The following DENND4C variants were observed in gnomAD, a reference collection of about 807,000 sequenced individuals.
The protein encoded by DENND4C is DENN domain-containing protein 4C.
A neutral mutation model predicts 203.0 loss-of-function variants in DENND4C; 108 were observed. The observed-to-expected ratio is 0.53, with a 90% confidence interval of 0.46 to 0.62. The LOEUF is 0.62. Among genes scored for constraint, DENND4C ranks in the 20% least tolerant of loss-of-function variants. DENND4C has a pLI of 0.00. For missense variants in DENND4C, 2,481 were observed against 2,301.2 expected, an observed-to-expected ratio of 1.08 and a Z score of -1.60; for synonymous variants, 871 against 792.4, an observed-to-expected ratio of 1.10 and a Z score of -1.67.
At chr9:19,357,217 GTC>G in intron 27 of DENND4C, 63 bp downstream of exon 27, 1 of 1,558,054 alleles carries the variant, frequency 6.4e-7, no homozygotes, top group East Asian at 2.3e-5. Context: ...TAAAAATTCT[GTC>G]TCTAAAGACA....
At chr9:19,292,733 A>G (rs1320107211) in intron 5 of DENND4C, among the ~76,000 whole-genome samples, 3 of 151,724 alleles carry the variant, frequency 2.0e-5, no homozygotes, top group South Asian at 4.2e-4. Context: ...TTTAGTTGAG[A>G]TGGGGTTTCA....
intron 23 of DENND4C, among the ~76,000 whole-genome samples, chr9:19,348,717 G>A (rs1175217393): frequency 6.6e-6 from 1 of 152,024 alleles, no homozygotes; most frequent in Non-Finnish European, 1.5e-5. Flanking sequence ...TATTTAAAGA[G>A]CTTACGAGGT....
intron 30 of DENND4C, among the ~76,000 whole-genome samples, chr9:19,365,771 C>G (rs1028550504): frequency 1.6e-4 from 24 of 151,502 alleles, no homozygotes; most frequent in Admixed American, 1.3e-3. Flanking sequence ...TCAACTATTT[C>G]TATATCTTTG....
chr9:19,306,972 T>C (rs1440347138), intron 10 of DENND4C, among the ~76,000 whole-genome samples: 1 of 151,788 alleles, frequency 6.6e-6, no homozygotes, highest in East Asian at 1.9e-4. Context: ...TTAGTAGAGA[T>C]GAGGTTTTAC....
chr9:19,276,332 CTGG>C lies in DENND4C; in HGVS notation c.159_161del (p.Gly54del). The C allele has an allele frequency of 8.1e-7, 1 of 1,232,086 alleles. No homozygotes were observed. Among genetic ancestry groups the C allele is most frequent in the Admixed American group, 4.2e-5 (1 of 23,704 alleles). The allele number at this position is 1,232,086 out of a possible 1,614,324, so 76.3% of individuals were successfully genotyped here. ...GACATTGCCATTATTATCAAATCAG[CTGG>C]AGAAACAGTACCTGAAGGTTACACC... On this transcript the variant is annotated inframe_deletion, in exon 2 of 33. Coordinates refer to ENST00000434457, the MANE Select transcript of DENND4C (RefSeq NM_001330640.2).
intron 1 of DENND4C, among the ~76,000 whole-genome samples, chr9:19,237,088 T>C (rs2131373839): frequency 6.6e-6 from 1 of 152,332 alleles, no homozygotes; most frequent in Admixed American, 6.5e-5. Context: ...TGGCACGATC[T>C]CGGCTCACTG....
In DENND4C at chr9:19,247,210, C is replaced by T. The variant is rs138114938; in HGVS notation, c.-18+16377C>T. On this transcript the variant is annotated intron_variant, in intron 1 of 32. Transcript: ENST00000434457. ...TTATTTTCTAGCTTCTCTTTCCTCACCTGAAGTTTGTTGTATCACACCTAG... is the reference window on the plus strand; with the variant it reads ...TTATTTTCTAGCTTCTCTTTCCTCATCTGAAGTTTGTTGTATCACACCTAG... Among the ~76,000 whole-genome samples, 7 of 152,254 alleles carry T rather than the reference C, an allele frequency of 4.6e-5. No homozygotes were observed. The East Asian group carries it at 1.3e-3, about 29-fold the overall frequency.
intron 1 of DENND4C, among the ~76,000 whole-genome samples, chr9:19,262,619 A>G (rs1328674492): frequency 6.6e-6 from 1 of 151,184 alleles, no homozygotes; most frequent in African/African-American, 2.4e-5. Context: ...TTTAGTAGAG[A>G]TGGGGTTTTG....
chr9:19,319,884 C>G (rs992692804), intron 12 of DENND4C, among the ~76,000 whole-genome samples: 1 of 152,004 alleles, frequency 6.6e-6, no homozygotes, highest in Non-Finnish European at 1.5e-5. Flanking sequence ...CTAAGGTATC[C>G]TTTAGTGTGC....
chr9:19,337,761 T>A, intron 20 of DENND4C: 1 of 711,416 alleles, frequency 1.4e-6, no homozygotes, highest in Non-Finnish European at 2.1e-6. Context: ...TTTTGAGTGG[T>A]AAACAGTTTT....
intron 1 of DENND4C, among the ~76,000 whole-genome samples, chr9:19,242,786 G>C (rs945407588): frequency 6.6e-6 from 1 of 152,010 alleles, no homozygotes; most frequent in African/African-American, 2.4e-5. Context: ...CTTCTGAGTA[G>C]CTGGGACTAT....
intron 1 of DENND4C, among the ~76,000 whole-genome samples, chr9:19,273,150 C>G (rs1287175589): frequency 6.6e-6 from 1 of 151,730 alleles, no homozygotes; most frequent in Non-Finnish European, 1.5e-5. Context: ...GACAGAGTTT[C>G]ACTAGGTTAG....
Position 19,345,993 on chromosome 9 carries a change from T to A in DENND4C, c.3224T>A (p.Leu1075His). 1 of 1,614,088 alleles carries A rather than the reference T, an allele frequency of 6.2e-7. No individual in the cohort carries two copies. The highest frequency in any genetic ancestry group is 8.5e-7 in the Non-Finnish European group (1 of 1,180,028). The change falls in exon 23 of 33, where the codon CTC becomes CAC. Residue 1075 changes from leucine (L) to histidine (H), a missense_variant. Around this residue, in one of 3 missense-constraint regions of DENND4C, gnomAD observed 2,289 missense variants for 2,113.3 expected, o/e 1.08. Transcript: ENST00000434457. Reference protein sequence around the residue: ...EDAVFGEATNLKKNGDRGEKR... With the variant: ...EDAVFGEATNHKKNGDRGEKR... ...GCAGTCTTTGGCGAAGCTACTAATC[T>A]CAAGAAGAATGGTGATAGAGGAGAA...
intron 10 of DENND4C, among the ~76,000 whole-genome samples, chr9:19,313,305 T>C (rs761760982): frequency 3.3e-5 from 5 of 152,178 alleles, no homozygotes; most frequent in Non-Finnish European, 7.4e-5. Flanking sequence ...AATTTTACAA[T>C]TGATGGCCCC....
At chr9:19,287,384 T>C (rs552045622) in intron 3 of DENND4C, among the ~76,000 whole-genome samples, 24 of 152,312 alleles carry the variant, frequency 1.6e-4, no homozygotes, top group Non-Finnish European at 2.4e-4. Context: ...TGTTTGCTTT[T>C]TTTATTTTTT....
intron 9 of DENND4C, among the ~76,000 whole-genome samples, chr9:19,300,547 C>T (rs1007984483): frequency 5.9e-5 from 9 of 152,076 alleles, no homozygotes; most frequent in Admixed American, 1.3e-4. Flanking sequence ...TTAGGAAAAA[C>T]GTCAATTTCC....
chr9:19,241,711 G>A (rs1259868791), intron 1 of DENND4C, among the ~76,000 whole-genome samples: 2 of 151,960 alleles, frequency 1.3e-5, no homozygotes, highest in African/African-American at 4.8e-5. Context: ...GCCTGAGGCT[G>A]TTTTTAGGTA....
chr9:19,270,705 A>G (rs1002978198), intron 1 of DENND4C, among the ~76,000 whole-genome samples: 2 of 152,142 alleles, frequency 1.3e-5, no homozygotes. Flanking sequence ...TTTGGTTACC[A>G]TTTATCTTAA....
chr9:19,303,579 T>C (rs1036214702), intron 9 of DENND4C, among the ~76,000 whole-genome samples: 1 of 152,240 alleles, frequency 6.6e-6, no homozygotes, highest in African/African-American at 2.4e-5. Context: ...AGTGATCTCT[T>C]TCATTTATTG....
Sources: gnomAD v4.1 joint callset for allele counts (sites outside exome capture counted in the v4.1 genomes callset) on GRCh38, gnomAD v4.1.1 for gene constraint, gnomAD v4.1.1 regional missense constraint, MANE v1.5 for transcripts, NCBI Gene and HGNC (gene_info 2026-07-23, HGNC 2026-07-21) for gene names.